ME1: variants seen among roughly 807,000 people sequenced by gnomAD.
The protein encoded by ME1 is malic enzyme 1.
A neutral mutation model predicts 66.4 loss-of-function variants in ME1; 74 were observed. The observed-to-expected ratio is 1.11, with a 90% CI of 0.92 to 1.35. ME1 has a LOEUF of 1.35. Among genes scored for constraint, ME1 ranks in the 40% most tolerant of loss-of-function variants. The pLI is 0.00. For synonymous variants in ME1, 251 were observed against 235.6 expected, an observed-to-expected ratio of 1.07 and a Z score of -0.60; for missense variants, 750 against 694.1, an observed-to-expected ratio of 1.08 and a Z score of -0.90.
chr6:83,424,430 A>G (rs189421206), intron 1 of ME1, among the ~76,000 whole-genome samples: 151 of 152,342 alleles, frequency 9.9e-4, no homozygotes, highest in Admixed American at 2.7e-3. Flanking sequence ...TAGGTTGGAA[A>G]GGAGAAATAG....
intron 3 of ME1, among the ~76,000 whole-genome samples, chr6:83,352,805 A>G (rs2128544705): frequency 6.6e-6 from 1 of 152,334 alleles, no homozygotes; most frequent in Non-Finnish European, 1.5e-5. Context: ...CCTTATCCTC[A>G]TTTAAAAGTT....
intron 3 of ME1, among the ~76,000 whole-genome samples, chr6:83,386,358 C>A (rs1419458606): frequency 6.6e-6 from 1 of 151,830 alleles, no homozygotes; most frequent in African/African-American, 2.4e-5. Flanking sequence ...CAAAAATATT[C>A]CCTGGTTTTC....
rs386359179 is a variant in ME1, at chr6:83,381,398, C to CTT, written c.362+16967_362+16968dup. On this transcript the variant is annotated intron_variant, in intron 3 of 13. Coordinates refer to ENST00000369705, the MANE Select transcript of ME1 (RefSeq NM_002395.6). ...ATTAAGCCTGCAAGCTTAAGAAATT[C>CTT]TTTTTTTTTTTTTTTGAGACGGAGT... Among the ~76,000 whole-genome samples, 86 of 140,492 alleles carry CTT rather than the reference C, an allele frequency of 6.1e-4. 1 individual carries two copies. The East Asian group carries it at 6.4e-3, about 10-fold the overall frequency. The allele number at this position is 140,492 out of a possible 152,430, so 92.2% of individuals were successfully genotyped here.
intron 5 of ME1, among the ~76,000 whole-genome samples, chr6:83,343,162 C>T (rs1768621494): frequency 6.6e-6 from 1 of 152,146 alleles, no homozygotes; most frequent in Admixed American, 6.6e-5. Flanking sequence ...ATCCTCCCAC[C>T]CTCTATCCTG....
At chr6:83,405,721 T>A (rs1307096388) in intron 2 of ME1, among the ~76,000 whole-genome samples, 1 of 145,576 alleles carries the variant, frequency 6.9e-6, no homozygotes, top group Admixed American at 6.8e-5. Flanking sequence ...TTGTTGTTGT[T>A]GTTTTTTTTT....
At position 83,216,442 on chromosome 6, in the gene ME1, A is replaced by C. The variant is rs1401433323; in HGVS notation, c.1548+56T>G. 2.5e-6 allele frequency: 3 copies of C among 1,182,522 alleles called. No homozygotes were observed. The African/African-American group carries it at 4.6e-5, about 18-fold the overall frequency. The allele number at this position is 1,182,522 out of a possible 1,614,324, so 73.3% of individuals were successfully genotyped here. On this transcript the variant is annotated intron_variant, in intron 13 of 13. Transcript: ENST00000369705. ...GCAGATTTTTAATATTTAAAAATGC[A>C]TATTTAGCAAGAAAAGGAAGGAAAA...
chr6:83,239,732 T>A, intron 7 of ME1, 96 bp from the exon 8 acceptor site: 1 of 840,682 alleles, frequency 1.2e-6, no homozygotes, highest in Non-Finnish European at 2.0e-6. Context: ...TAAAACAGGT[T>A]AACTGGTACA....
At chr6:83,344,022 T>G (rs570573209) in intron 5 of ME1, among the ~76,000 whole-genome samples, 133 of 151,928 alleles carry the variant, frequency 8.8e-4, no homozygotes, top group African/African-American at 3.1e-3. Flanking sequence ...TGTTTAAAAC[T>G]TCACTGTTAT....
At chr6:83,287,970 C>T (rs1015590815) in intron 6 of ME1, among the ~76,000 whole-genome samples, 10 of 152,070 alleles carry the variant, frequency 6.6e-5, no homozygotes, top group African/African-American at 2.4e-4. Context: ...AAGTGTCTGT[C>T]CATATCCTTT....
At chr6:83,213,792 T>G (rs1280341276) in intron 13 of ME1, among the ~76,000 whole-genome samples, 1 of 152,192 alleles carries the variant, frequency 6.6e-6, no homozygotes, top group East Asian at 1.9e-4. Context: ...ACAATTAAGG[T>G]TATGAATACT....
At chr6:83,302,138 T>C (rs912131734) in intron 6 of ME1, among the ~76,000 whole-genome samples, 5 of 152,162 alleles carry the variant, frequency 3.3e-5, no homozygotes, top group African/African-American at 1.2e-4. Flanking sequence ...AGAATGAGAT[T>C]ATGTCCTTTG....
At chr6:83,384,433 C>G (rs1769471323) in intron 3 of ME1, among the ~76,000 whole-genome samples, 1 of 151,620 alleles carries the variant, frequency 6.6e-6, no homozygotes, top group Non-Finnish European at 1.5e-5. Flanking sequence ...TGATGTTGAA[C>G]AGTTTTTCAT....
chr6:83,268,125 G>T (rs1424888058), intron 6 of ME1, among the ~76,000 whole-genome samples: 1 of 152,128 alleles, frequency 6.6e-6, no homozygotes, highest in Non-Finnish European at 1.5e-5. Context: ...CTGCAGAACA[G>T]ATCAGGTCCC....
At chr6:83,419,817 T>C (rs914822172) in intron 1 of ME1, among the ~76,000 whole-genome samples, 2 of 152,194 alleles carry the variant, frequency 1.3e-5, no homozygotes, top group Non-Finnish European at 2.9e-5. Context: ...ACAACATCTA[T>C]TTCCCTCTTC....
chr6:83,416,911 A>T (rs1344770561), intron 1 of ME1, among the ~76,000 whole-genome samples: 1 of 149,198 alleles, frequency 6.7e-6, no homozygotes, highest in Non-Finnish European at 1.5e-5. Flanking sequence ...AAAAAAAAAA[A>T]GTAGTTTCTG....
chr6:83,304,840 T>G (rs936657444), intron 6 of ME1, among the ~76,000 whole-genome samples: 1 of 152,324 alleles, frequency 6.6e-6, no homozygotes, highest in African/African-American at 2.4e-5. Flanking sequence ...CAAATTTTGT[T>G]GTAGCTTTAA....
chr6:83,372,016 C>T (rs1554271320), intron 3 of ME1, among the ~76,000 whole-genome samples: 2 of 152,112 alleles, frequency 1.3e-5, no homozygotes, highest in African/African-American at 2.4e-5. Flanking sequence ...ATTATAATTG[C>T]TTGTTTGTCT....
intron 5 of ME1, among the ~76,000 whole-genome samples, chr6:83,329,305 T>C (rs1394710096): frequency 1.3e-5 from 2 of 152,190 alleles, no homozygotes; most frequent in Admixed American, 6.5e-5. Flanking sequence ...TATGCATATA[T>C]AAGATTATCT....
At chr6:83,303,552 T>C (rs1244462184) in intron 6 of ME1, among the ~76,000 whole-genome samples, 2 of 152,180 alleles carry the variant, frequency 1.3e-5, no homozygotes, top group Non-Finnish European at 2.9e-5. Context: ...CAAAATAATT[T>C]ACAATGTTGA....
Sources: allele counts gnomAD v4.1 joint callset (sites outside exome capture counted in the v4.1 genomes callset), GRCh38; gene constraint gnomAD v4.1.1; transcripts MANE v1.5; gene names NCBI Gene and HGNC (gene_info 2026-07-23, HGNC 2026-07-21).